CUX1: variants seen among roughly 807,000 people sequenced by gnomAD.
CUX1 encodes cut like homeobox 1.
In CUX1, 31 loss-of-function variants were observed where a neutral mutation model predicts 158.8. That is an observed-to-expected ratio of 0.20 (90% confidence interval 0.15 to 0.26). The LOEUF (loss-of-function observed/expected upper bound fraction) is 0.26. Among genes scored for constraint, CUX1 ranks in the 10% least tolerant of loss-of-function variants. The pLI is 1.00. For synonymous variants in CUX1, 879 were observed against 862.1 expected, an observed-to-expected ratio of 1.02 and a Z score of -0.34; for missense variants, 1,589 against 2,014.6, an observed-to-expected ratio of 0.79 and a Z score of 4.04.
intron 2 of CUX1, among the ~76,000 whole-genome samples, chr7:102,005,255 G>A (rs1362458366): frequency 2.0e-5 from 3 of 152,182 alleles, no homozygotes; most frequent in East Asian, 1.9e-4. Flanking sequence ...GGCCGGGCGC[G>A]GTGGCTCACG....
At chr7:101,969,577 C>T (rs1236511771) in intron 2 of CUX1, among the ~76,000 whole-genome samples, 1 of 152,106 alleles carries the variant, frequency 6.6e-6, no homozygotes, top group Admixed American at 6.6e-5. Flanking sequence ...TTCCAGCGTG[C>T]AGGTTGATAG....
chr7:102,016,639 T>TA (rs1177290654), intron 2 of CUX1, among the ~76,000 whole-genome samples: 4 of 152,216 alleles, frequency 2.6e-5, no homozygotes, highest in African/African-American at 7.2e-5. Context: ...GAGTACCTAA[T>TA]ATGCAATTGC....
intron 1 of CUX1, among the ~76,000 whole-genome samples, chr7:101,901,573 G>A (rs759049836): frequency 6.6e-6 from 1 of 152,160 alleles, no homozygotes; most frequent in African/African-American, 2.4e-5. Flanking sequence ...GGGGTTACAG[G>A]TGTGAGCCAC....
At chr7:102,263,297 G>A (rs868934954) in intron 14 of CUX1, among the ~76,000 whole-genome samples, 79 of 145,974 alleles carry the variant, frequency 5.4e-4, no homozygotes, top group Middle Eastern at 3.3e-3. Flanking sequence ...TTACAGGTAC[G>A]AGCCACCACA....
intron 1 of CUX1, among the ~76,000 whole-genome samples, chr7:101,911,069 G>A (rs533574191): frequency 5.3e-5 from 8 of 152,378 alleles, no homozygotes; most frequent in African/African-American, 1.7e-4. Flanking sequence ...CACGGGATGA[G>A]GGATGCCTGT....
chr7:101,971,300 A>G (rs1413680407), intron 2 of CUX1, among the ~76,000 whole-genome samples: 1 of 152,172 alleles, frequency 6.6e-6, no homozygotes, highest in African/African-American at 2.4e-5. Context: ...TACAGTTAGC[A>G]CAGTATGACA....
At chr7:101,822,596 C>G (rs1342900072) in intron 1 of CUX1, 1 of 152,150 alleles carries the variant, frequency 6.6e-6, no homozygotes, top group Non-Finnish European at 1.5e-5. Context: ...GAGGGTGAAC[C>G]ATTCTTTTCG....
chr7:101,935,629 C>A (rs1806831918), intron 2 of CUX1, among the ~76,000 whole-genome samples: 1 of 152,184 alleles, frequency 6.6e-6, no homozygotes, highest in Admixed American at 6.5e-5. Context: ...CTTGGGAGGG[C>A]AGCACCCAGC....
At position 102,201,025 on chromosome 7, in the gene CUX1, TA is replaced by T. The variant is rs78359248; in HGVS notation, c.2063-306del. Among the ~76,000 whole-genome samples, 3,574 of 42,020 alleles carry T rather than the reference TA, an allele frequency of 0.085. 52 individuals carry two copies. The highest frequency in any genetic ancestry group is 0.14 in the African/African-American group (1,361 of 9,666). The allele number at this position is 42,020 out of a possible 152,430, so 27.6% of individuals were successfully genotyped here. ...CTGGACAACAGCGAGATCCTGTCGC[TA>T]AAAAAAAAAAAAAAAAAAAAAAAAA... On this transcript the variant is annotated intron_variant, in intron 17 of 23. Transcript: ENST00000292535. The surrounding 1 kb of genome is among the most constrained non-coding windows in gnomAD (Gnocchi z 5.0).
intron 8 of CUX1, among the ~76,000 whole-genome samples, chr7:102,136,455 G>A (rs1179282404): frequency 1.3e-5 from 2 of 151,272 alleles, no homozygotes; most frequent in Non-Finnish European, 2.9e-5. Flanking sequence ...GCAGTGGCAC[G>A]ATCTCAGCTC....
At chr7:101,995,717 C>T (rs999170273) in intron 2 of CUX1, among the ~76,000 whole-genome samples, 5 of 152,300 alleles carry the variant, frequency 3.3e-5, no homozygotes, top group East Asian at 1.9e-4. Flanking sequence ...CCCATAGGGG[C>T]GTCTGCTTAG....
chr7:101,962,108 T>C (rs944339182), intron 2 of CUX1, among the ~76,000 whole-genome samples: 1 of 152,148 alleles, frequency 6.6e-6, no homozygotes, highest in Non-Finnish European at 1.5e-5. Context: ...CCATGACATA[T>C]TCCTTCTGTG....
At position 101,916,045 on chromosome 7, in the gene CUX1, G is replaced by A. The variant is rs934478801; in HGVS notation, c.31-70G>A. ...CTCTCCCCCAGTGTTCTGGTCAAAT[G>A]CAAATAGGACCCTCCTCTAGTACAC... On this transcript the variant is annotated intron_variant, in intron 1 of 23. Transcript: ENST00000292535. The surrounding 1 kb of genome is among the most constrained non-coding windows in gnomAD (Gnocchi z 4.4). 6.4e-6 allele frequency: 7 copies of A among 1,098,870 alleles called. No homozygotes were observed. The highest frequency in any genetic ancestry group is 9.8e-6 in the Non-Finnish European group (7 of 714,936). 68.1% of individuals were successfully genotyped at this position (1,098,870 alleles called of 1,614,324 possible).
chr7:102,269,118 T>TTTTGTTTG (rs71123029), intron 14 of CUX1, among the ~76,000 whole-genome samples: 9 of 147,892 alleles, frequency 6.1e-5, no homozygotes, highest in South Asian at 2.2e-4. Context: ...GTGTGGGTTT[T>TTTTGTTTG]TTTGTTTGTT....
At chr7:102,163,449 G>C (rs73712431) in intron 9 of CUX1, among the ~76,000 whole-genome samples, 1 of 152,132 alleles carries the variant, frequency 6.6e-6, no homozygotes, top group African/African-American at 2.4e-5. Flanking sequence ...CCAGAGATGC[G>C]GGTCAGAGAG....
At chr7:102,094,768 T>C (rs1381792576) in intron 4 of CUX1, among the ~76,000 whole-genome samples, 1 of 152,168 alleles carries the variant, frequency 6.6e-6, no homozygotes, top group East Asian at 1.9e-4. Flanking sequence ...CTATGTCAAG[T>C]TTAAATCGTG....
At position 102,249,280 on chromosome 7, in the gene CUX1, C is replaced by T. The variant is rs1283223759; in HGVS notation, c.*238C>T. The T allele has an allele frequency of 9.5e-7, 1 of 1,048,892 alleles. No individual in the cohort carries two copies. The allele number at this position is 1,048,892 out of a possible 1,614,324, so 65.0% of individuals were successfully genotyped here. A position where few individuals can be genotyped will look rare whatever the true frequency, so the allele number is the denominator to read the frequency against. ...CTGCGGCCCGGGCCGACCCTGCGGC[C>T]TCCACCAACCCCGCGGCCCAGACCC... On this transcript the variant is annotated 3_prime_UTR_variant, in exon 24 of 24. Transcript: ENST00000292535.
intron 21 of CUX1, among the ~76,000 whole-genome samples, chr7:102,231,729 T>G (rs993720156): frequency 6.6e-6 from 1 of 151,210 alleles, no homozygotes; most frequent in Non-Finnish European, 1.5e-5. Flanking sequence ...TTTTTTTTTT[T>G]TTGAGATGGA....
At chr7:102,178,238 A>G (rs1554512599) in intron 10 of CUX1, among the ~76,000 whole-genome samples, 1 of 152,160 alleles carries the variant, frequency 6.6e-6, no homozygotes, top group Non-Finnish European at 1.5e-5. Flanking sequence ...TGGTTGGTAC[A>G]TGGTAGGCAC....
Sources: gnomAD v4.1 joint callset for allele counts (sites outside exome capture counted in the v4.1 genomes callset) on GRCh38, gnomAD v4.1.1 for gene constraint, Gnocchi (gnomAD v3.1) non-coding constraint, MANE v1.5 for transcripts, NCBI Gene and HGNC (gene_info 2026-07-23, HGNC 2026-07-21) for gene names.